Variants in USP10 observed in about 807,000 individuals in gnomAD.
The protein encoded by USP10 is ubiquitin specific peptidase 10, also known as ubiquitin carboxyl-terminal hydrolase 10.
In USP10, 22 loss-of-function variants were observed where a neutral mutation model predicts 84.5. The ratio of observed to expected loss-of-function variants is 0.26; its 90% CI spans 0.19 to 0.37. The LOEUF is 0.37. Among genes scored for constraint, USP10 ranks in the 10% least tolerant of loss-of-function variants. The pLI, the probability that USP10 is intolerant of heterozygous loss-of-function variation, is 1.00. For missense variants in USP10, 1,019 were observed against 998.9 expected (o/e 1.02, Z -0.27); for synonymous variants, 454 against 387.6 (o/e 1.17, Z -2.01).
In USP10 at chr16:84,752,750, A is replaced by C. The variant is rs192880257; in HGVS notation, c.1193-5966A>C. Among the ~76,000 whole-genome samples the C allele has an allele frequency of 1.7e-3, 256 of 152,274 alleles. 1 individual carries two copies. The highest frequency in any genetic ancestry group is 5.9e-3 in the African/African-American group (246 of 41,548). The stretch of plus-strand genomic sequence containing the variant: ...TTTTTTCACTGCGAGGAAGAAGAGG[A>C]GCTCACGAACTTCATAAAGCGTTAG... On this transcript the variant is annotated intron_variant, in intron 4 of 13. Coordinates refer to ENST00000219473, the MANE Select transcript of USP10 (RefSeq NM_005153.3).
In USP10 at chr16:84,739,635, G is replaced by A. The variant is rs529856338; in HGVS notation, c.91-674G>A. Among the ~76,000 whole-genome samples, 32 of 152,286 alleles carry A rather than the reference G, an allele frequency of 2.1e-4. No homozygotes were observed. The South Asian group carries it at 6.4e-3, about 31-fold the overall frequency. On this transcript the variant is annotated intron_variant, in intron 2 of 13. Coordinates refer to ENST00000219473, the MANE Select transcript of USP10 (RefSeq NM_005153.3). ...AAGCATTTCCAACTCTTAAATAAAT[G>A]TTATGGAATAGCTAGGAAGAAGAAA...
At chr16:84,755,663 T>C (rs934586873) in intron 4 of USP10, among the ~76,000 whole-genome samples, 1 of 151,888 alleles carries the variant, frequency 6.6e-6, no homozygotes, top group Non-Finnish European at 1.5e-5. Flanking sequence ...TTGGGTATGG[T>C]GGCACACATC....
At chr16:84,700,861 T>G (rs1181525277) in intron 1 of USP10, among the ~76,000 whole-genome samples, 2 of 152,098 alleles carry the variant, frequency 1.3e-5, no homozygotes, top group African/African-American at 2.4e-5. Context: ...TTGGGAGATG[T>G]GCGTGTAGAG....
chr16:84,742,993 C>T (rs1910799598), intron 3 of USP10, among the ~76,000 whole-genome samples: 2 of 152,170 alleles, frequency 1.3e-5, no homozygotes, highest in South Asian at 4.1e-4. Context: ...AATGTGATTT[C>T]ACAGCCTTCA....
At chr16:84,730,276 A>G (rs940567930) in intron 1 of USP10, among the ~76,000 whole-genome samples, 4 of 151,856 alleles carry the variant, frequency 2.6e-5, no homozygotes, top group Non-Finnish European at 5.9e-5. Context: ...CAGATACTCT[A>G]TTTTCCTACC....
At chr16:84,749,126 A>C (rs1407106463) in intron 4 of USP10, among the ~76,000 whole-genome samples, 4 of 152,236 alleles carry the variant, frequency 2.6e-5, no homozygotes, top group African/African-American at 9.6e-5. Flanking sequence ...CCTTGGGATC[A>C]TATAGGGCTT....
chr16:84,713,693 A>G (rs1340962028), intron 1 of USP10, among the ~76,000 whole-genome samples: 1 of 152,230 alleles, frequency 6.6e-6, no homozygotes, highest in Non-Finnish European at 1.5e-5. Flanking sequence ...AGGTGTGGGA[A>G]AGAAGCTAGA....
intron 4 of USP10, among the ~76,000 whole-genome samples, chr16:84,758,015 G>A (rs1912786404): frequency 1.3e-5 from 2 of 152,232 alleles, no homozygotes; most frequent in Non-Finnish European, 1.5e-5. Context: ...ATTTCTGATG[G>A]TTAATTCTAT....
chr16:84,725,882 G>A (rs1597310623), intron 1 of USP10, among the ~76,000 whole-genome samples: 1 of 152,172 alleles, frequency 6.6e-6, no homozygotes. Flanking sequence ...CCCAAATTGA[G>A]CTTATTTGGA....
intron 1 of USP10, among the ~76,000 whole-genome samples, chr16:84,717,413 C>G (rs1907176099): frequency 6.6e-6 from 1 of 152,216 alleles, no homozygotes; most frequent in South Asian, 2.1e-4. Context: ...TCAGTACACA[C>G]TAGCTGTATG....
chr16:84,706,687 T>C (rs1319572492), intron 1 of USP10, among the ~76,000 whole-genome samples: 1 of 151,790 alleles, frequency 6.6e-6, no homozygotes, highest in Non-Finnish European at 1.5e-5. Flanking sequence ...AATACAGGTG[T>C]GCGCCACCAC....
At chr16:84,704,827 C>G in intron 1 of USP10, 1 of 1,535,746 alleles carries the variant, frequency 6.5e-7, no homozygotes, top group Non-Finnish European at 8.7e-7. Context: ...CTTGAAACAT[C>G]ATGCCCTGGT....
intron 2 of USP10, among the ~76,000 whole-genome samples, chr16:84,738,691 C>A (rs537313096): frequency 6.6e-6 from 1 of 152,322 alleles, no homozygotes; most frequent in Admixed American, 6.5e-5. Flanking sequence ...GCTGTCAACT[C>A]CTGAAGGTGT....
intron 1 of USP10, among the ~76,000 whole-genome samples, chr16:84,702,461 G>A (rs1443958388): frequency 6.6e-6 from 1 of 152,184 alleles, no homozygotes; most frequent in Non-Finnish European, 1.5e-5. Context: ...GTCATTCTGA[G>A]CGTTTTAATA....
intron 11 of USP10, among the ~76,000 whole-genome samples, chr16:84,771,944 C>T (rs1263767280): frequency 6.6e-6 from 1 of 152,162 alleles, no homozygotes; most frequent in African/African-American, 2.4e-5. Flanking sequence ...GCTAATTTGT[C>T]AGTAATGCCA....
chr16:84,731,637 C>T (rs138871987), intron 1 of USP10, among the ~76,000 whole-genome samples: 48 of 152,160 alleles, frequency 3.2e-4, no homozygotes, highest in African/African-American at 1.1e-3. Flanking sequence ...CCTTTTTTCT[C>T]GAAACTTTCA....
At chr16:84,718,659 G>A (rs1161261136) in intron 1 of USP10, among the ~76,000 whole-genome samples, 1 of 151,894 alleles carries the variant, frequency 6.6e-6, no homozygotes, top group Non-Finnish European at 1.5e-5. Flanking sequence ...CGGAGGCTGA[G>A]GCAGGAGAAT....
intron 2 of USP10, among the ~76,000 whole-genome samples, chr16:84,735,918 A>G (rs1909869584): frequency 6.6e-6 from 1 of 152,098 alleles, no homozygotes; most frequent in African/African-American, 2.4e-5. Flanking sequence ...TTATAATAGC[A>G]CATGATTACA....
At chr16:84,733,211 C>G (rs1224197475) in intron 1 of USP10, 1 of 603,526 alleles carries the variant, frequency 1.7e-6, no homozygotes, top group African/African-American at 1.8e-5. Flanking sequence ...TAAGCTTTAT[C>G]AGTTTCATAG....
Sources: allele counts gnomAD v4.1 joint callset (sites outside exome capture counted in the v4.1 genomes callset), GRCh38; gene constraint gnomAD v4.1.1; transcripts MANE v1.5; gene names NCBI Gene and HGNC (gene_info 2026-07-23, HGNC 2026-07-21).